OSTN: variants seen among roughly 807,000 people sequenced by gnomAD.
The protein encoded by OSTN is osteocrin.
In OSTN, 9 loss-of-function variants were observed where a neutral mutation model predicts 12.0. That is an observed-to-expected ratio of 0.75 (90% CI 0.45 to 1.30). The LOEUF (loss-of-function observed/expected upper bound fraction) is 1.30, where lower values mean the gene tolerates loss of function less well. Among genes scored for constraint, OSTN ranks in the 50% most tolerant of loss-of-function variants. The pLI is 0.00. For missense variants in OSTN, 148 were observed against 152.3 expected, an observed-to-expected ratio of 0.97 and a Z score of 0.15; for synonymous variants, 59 against 56.9, an observed-to-expected ratio of 1.04 and a Z score of -0.16.
chr3:191,262,436 C>T (rs928652724), intron 4 of OSTN, among the ~76,000 whole-genome samples: 16 of 152,200 alleles, frequency 1.1e-4, no homozygotes, highest in African/African-American at 3.6e-4. Context: ...TGGTTGGATT[C>T]TTGGTAGAAT....
intron 1 of OSTN, among the ~76,000 whole-genome samples, chr3:191,205,536 TC>T (rs1714252589): frequency 6.6e-6 from 1 of 151,834 alleles, no homozygotes; most frequent in South Asian, 2.1e-4. Context: ...ATTCTTATTA[TC>T]AAAAATTCGT....
chr3:191,208,429 C>T (rs888621397), intron 1 of OSTN, among the ~76,000 whole-genome samples: 3 of 152,162 alleles, frequency 2.0e-5, no homozygotes, highest in Non-Finnish European at 4.4e-5. Context: ...CATTAGTGTA[C>T]CAAATGCCAC....
intron 3 of OSTN, among the ~76,000 whole-genome samples, chr3:191,241,089 A>C (rs1240473301): frequency 2.0e-5 from 3 of 151,080 alleles, no homozygotes; most frequent in Admixed American, 1.3e-4. Context: ...AACTATTTGA[A>C]AGAACATTCT....
chr3:191,250,436 T>C (rs1050289014), intron 4 of OSTN, among the ~76,000 whole-genome samples: 1 of 152,202 alleles, frequency 6.6e-6, no homozygotes, highest in East Asian at 1.9e-4. Context: ...GTTAAAGTTC[T>C]AGTCAATATA....
chr3:191,258,490 G>C (rs764842764), intron 4 of OSTN, among the ~76,000 whole-genome samples: 1 of 150,328 alleles, frequency 6.7e-6, no homozygotes, highest in African/African-American at 2.5e-5. Flanking sequence ...AGGGCCTGTC[G>C]GGGCGTAGGA....
intron 4 of OSTN, among the ~76,000 whole-genome samples, chr3:191,261,732 C>T (rs573462230): frequency 8.5e-5 from 13 of 152,304 alleles, no homozygotes; most frequent in African/African-American, 2.9e-4. Context: ...CGATAATTTG[C>T]TATTTATGCA....
At chr3:191,215,511 C>T (rs1197860395) in intron 2 of OSTN, among the ~76,000 whole-genome samples, 3 of 152,192 alleles carry the variant, frequency 2.0e-5, no homozygotes, top group African/African-American at 7.2e-5. Flanking sequence ...GTCCCTTCCA[C>T]CTATGAGCCT....
intron 2 of OSTN, among the ~76,000 whole-genome samples, chr3:191,214,086 T>C (rs1714536932): frequency 6.6e-6 from 1 of 151,960 alleles, no homozygotes; most frequent in African/African-American, 2.4e-5. Context: ...ACAAAAGTGG[T>C]ATTGGGGATA....
chr3:191,225,791 A>G (rs1229429623), intron 3 of OSTN, among the ~76,000 whole-genome samples: 1 of 152,110 alleles, frequency 6.6e-6, no homozygotes, highest in African/African-American at 2.4e-5. Context: ...CCATGGGCAT[A>G]AAGAGGAAAA....
chr3:191,229,209 C>CGAT (rs1409685485), intron 3 of OSTN, among the ~76,000 whole-genome samples: 1 of 152,108 alleles, frequency 6.6e-6, no homozygotes, highest in Non-Finnish European at 1.5e-5. Flanking sequence ...AAAGAGAAGG[C>CGAT]GATTCTGAAG....
At position 191,263,556 on chromosome 3, in the gene OSTN, C is replaced by T. The variant is rs954387146; in HGVS notation, c.*703C>T. 3 of 152,130 alleles carry T rather than the reference C, an allele frequency of 2.0e-5. No homozygotes were observed. Among genetic ancestry groups the T allele is most frequent in the African/African-American group, 7.2e-5 (3 of 41,424 alleles). The allele number at this position is 152,130 out of a possible 1,614,324, so 9.4% of individuals were successfully genotyped here. A position where few individuals can be genotyped will look rare whatever the true frequency, so the allele number is the denominator to read the frequency against. ...AGTGTCTCATTAGGAGGGGAGTAAG[C>T]TCACACAGAGGTAAAAATGAAAGTA... On this transcript the variant is annotated 3_prime_UTR_variant, in exon 5 of 5. Coordinates refer to ENST00000682035, the MANE Select transcript of OSTN (RefSeq NM_198184.2).
intron 1 of OSTN, among the ~76,000 whole-genome samples, chr3:191,199,762 T>C (rs2108586119): frequency 6.6e-6 from 1 of 152,230 alleles, no homozygotes; most frequent in South Asian, 2.1e-4. Context: ...CTATCTCTTA[T>C]GTTCTTAAAA....
chr3:191,258,765 A>AT (rs776354054), intron 4 of OSTN, among the ~76,000 whole-genome samples: 1 of 151,912 alleles, frequency 6.6e-6, no homozygotes, highest in Non-Finnish European at 1.5e-5. Flanking sequence ...CCGCAAATAC[A>AT]TTTTTCTGGG....
chr3:191,242,279 C>G (rs1715338077), intron 3 of OSTN, among the ~76,000 whole-genome samples: 1 of 152,100 alleles, frequency 6.6e-6, no homozygotes, highest in African/African-American at 2.4e-5. Context: ...CTTACAACCA[C>G]AAAAAGGTCT....
chr3:191,249,919 C>G (rs551818412), intron 3 of OSTN, 118 bp from the exon 4 acceptor site: 1 of 703,356 alleles, frequency 1.4e-6, no homozygotes, highest in Non-Finnish European at 2.5e-6. Flanking sequence ...TGAGTGGGAA[C>G]TATCATGTTT....
At chr3:191,224,692 C>A (rs1714866879) in intron 3 of OSTN, among the ~76,000 whole-genome samples, 1 of 151,872 alleles carries the variant, frequency 6.6e-6, no homozygotes, top group Non-Finnish European at 1.5e-5. Context: ...ATAACAAAAT[C>A]AAAAACAAGA....
Position 191,264,515 on chromosome 3 carries a change from G to T in OSTN, c.*1662G>T, listed in dbSNP as rs1313474140. 2 of 152,114 alleles carry T rather than the reference G, an allele frequency of 1.3e-5. No individual in the cohort carries two copies. The highest frequency in any genetic ancestry group is 2.4e-5 in the African/African-American group (1 of 41,450). 9.4% of individuals were successfully genotyped at this position (152,114 alleles called of 1,614,324 possible). A position where few individuals can be genotyped will look rare whatever the true frequency, so the allele number is the denominator to read the frequency against. ...TTGTAGTAGAGGGCTGTAGCCAAGAGAAGTGAATTTTGGGAAATCTAACCA... is the reference window on the plus strand; with the variant it reads ...TTGTAGTAGAGGGCTGTAGCCAAGATAAGTGAATTTTGGGAAATCTAACCA... On this transcript the variant is annotated 3_prime_UTR_variant, in exon 5 of 5. Coordinates refer to ENST00000682035, the MANE Select transcript of OSTN (RefSeq NM_198184.2).
At chr3:191,245,094 A>G (rs1715400560) in intron 3 of OSTN, among the ~76,000 whole-genome samples, 1 of 152,160 alleles carries the variant, frequency 6.6e-6, no homozygotes, top group African/African-American at 2.4e-5. Flanking sequence ...CTCTTTTATA[A>G]AGCTTTTATC....
chr3:191,241,229 A>C lies in OSTN; in HGVS notation c.318-8808A>C, dbSNP rs149147381. On this transcript the variant is annotated intron_variant, in intron 3 of 4. Coordinates refer to ENST00000682035, the MANE Select transcript of OSTN (RefSeq NM_198184.2). ...AGCCTTGCTCTGTCGCCCAGGCTGG[A>C]GTGCAGTGGCGCGATCTCGGCTTAC... Among the ~76,000 whole-genome samples the C allele has an allele frequency of 3.6e-3, 405 of 113,220 alleles. 2 individuals are homozygous for C. Among genetic ancestry groups the C allele is most frequent in the African/African-American group, 0.012 (373 of 30,844 alleles). 74.3% of individuals were successfully genotyped at this position (113,220 alleles called of 152,430 possible).
Sources: allele counts gnomAD v4.1 joint callset (sites outside exome capture counted in the v4.1 genomes callset), GRCh38; gene constraint gnomAD v4.1.1; transcripts MANE v1.5; gene names NCBI Gene and HGNC (gene_info 2026-07-23, HGNC 2026-07-21).